IGSF21: variants seen among roughly 807,000 people sequenced by gnomAD.
The protein encoded by IGSF21 is immunoglobulin superfamily member 21.
In IGSF21, 28 loss-of-function variants were observed where a neutral mutation model predicts 46.8. The ratio of observed to expected loss-of-function variants is 0.60; its 90% CI spans 0.44 to 0.82. The LOEUF (loss-of-function observed/expected upper bound fraction) is 0.82. Among genes scored for constraint, IGSF21 ranks in the 40% least tolerant of loss-of-function variants. The probability of loss-of-function intolerance (pLI) is 0.00; values close to 1 mark genes in which losing one functional copy is unlikely to be tolerated. For missense variants in IGSF21, 624 were observed against 665.5 expected, an observed-to-expected ratio of 0.94 and a Z score of 0.69; for synonymous variants, 284 against 273.6, an observed-to-expected ratio of 1.04 and a Z score of -0.38.
At chr1:18,213,832 T>A (rs1231073557) in intron 1 of IGSF21, among the ~76,000 whole-genome samples, 1 of 152,158 alleles carries the variant, frequency 6.6e-6, no homozygotes. Flanking sequence ...ATCCCTCTCA[T>A]CAGCCCAGGA....
intron 1 of IGSF21, among the ~76,000 whole-genome samples, chr1:18,140,186 G>A (rs1184124168): frequency 2.0e-5 from 3 of 152,142 alleles, no homozygotes; most frequent in East Asian, 1.9e-4. Flanking sequence ...AGACTCAAGC[G>A]ATTCTCTCCA....
At chr1:18,349,822 G>C (rs1339946016) in intron 4 of IGSF21, among the ~76,000 whole-genome samples, 1 of 152,054 alleles carries the variant, frequency 6.6e-6, no homozygotes. Context: ...ACTTTGGAAG[G>C]CCGATATGGG....
intron 3 of IGSF21, among the ~76,000 whole-genome samples, chr1:18,332,183 G>C (rs1557647427): frequency 6.6e-6 from 1 of 152,156 alleles, no homozygotes; most frequent in African/African-American, 2.4e-5. Flanking sequence ...CACCTGTGTC[G>C]CTATCCTATA....
chr1:18,273,338 T>C (rs2085062559), intron 2 of IGSF21, among the ~76,000 whole-genome samples: 1 of 46,638 alleles, frequency 2.1e-5, no homozygotes, highest in African/African-American at 9.6e-5. Flanking sequence ...ACCATTCCTT[T>C]CCTTTCCTTT....
intron 2 of IGSF21, among the ~76,000 whole-genome samples, chr1:18,262,306 A>G (rs2084953993): frequency 6.6e-6 from 1 of 152,184 alleles, no homozygotes; most frequent in South Asian, 2.1e-4. Flanking sequence ...CCGGATAAAG[A>G]ACCTGAGGCA....
chr1:18,165,376 G>A (rs1364743842), intron 1 of IGSF21, among the ~76,000 whole-genome samples: 1 of 152,112 alleles, frequency 6.6e-6, no homozygotes, highest in Non-Finnish European at 1.5e-5. Flanking sequence ...TCTGTGCATG[G>A]CAATTTCTGG....
chr1:18,352,391 G>A lies in IGSF21; in HGVS notation c.425-9724G>A, dbSNP rs561563532. Among the ~76,000 whole-genome samples the A allele has an allele frequency of 7.2e-5, 11 of 152,292 alleles. No homozygotes were observed. In the South Asian group the frequency reaches 2.3e-3, roughly 32 times the overall value. ...ATCTCAGGACTTGTTAAAACTCAGGGTGGGGACTGCCGGACCCCACCCCAT... is the reference window on the plus strand; with the variant it reads ...ATCTCAGGACTTGTTAAAACTCAGGATGGGGACTGCCGGACCCCACCCCAT... On this transcript the variant is annotated intron_variant, in intron 4 of 9. Transcript: ENST00000251296.
chr1:18,151,151 GTC>G (rs2086518631), intron 1 of IGSF21, among the ~76,000 whole-genome samples: 1 of 152,148 alleles, frequency 6.6e-6, no homozygotes, highest in Admixed American at 6.5e-5. Context: ...CTTCATTTAG[GTC>G]TCTGTTCAAA....
chr1:18,287,393 T>TCAAA (rs573424473), intron 2 of IGSF21, among the ~76,000 whole-genome samples: 13 of 151,584 alleles, frequency 8.6e-5, no homozygotes, highest in South Asian at 2.1e-4. Flanking sequence ...AGACTCTGTC[T>TCAAA]CAAACAAACA....
intron 2 of IGSF21, among the ~76,000 whole-genome samples, chr1:18,246,993 A>C (rs1269982604): frequency 6.6e-6 from 1 of 152,144 alleles, no homozygotes; most frequent in African/African-American, 2.4e-5. Context: ...TATAGACAAG[A>C]AAACTGAGGC....
rs879463893 is a variant in IGSF21 at position 18,334,428 on chromosome 1, A to G, written c.306-464A>G. Among the ~76,000 whole-genome samples, 2 of 152,166 alleles carry G rather than the reference A, an allele frequency of 1.3e-5. No individual in the cohort carries two copies. The highest frequency in any genetic ancestry group is 2.4e-5 in the African/African-American group (1 of 41,440). On this transcript the variant is annotated intron_variant, in intron 3 of 9. Transcript: ENST00000251296. This position sits in a 1 kb window ranked among gnomAD's most constrained non-coding sequence, Gnocchi z 4.3. ...TTATTAGCAATTGAGTTCCGTCCTG[A>G]GCCTCAGTTTCCTTGTTTATGAAAT...
Position 18,158,594 on chromosome 1 carries a change from C to T in IGSF21, c.70+50396C>T, listed in dbSNP as rs577050263. Among the ~76,000 whole-genome samples, 40 of 152,238 alleles carry T rather than the reference C, an allele frequency of 2.6e-4. No individual in the cohort carries two copies. In the South Asian group the frequency reaches 8.1e-3, roughly 31 times the overall value. The stretch of plus-strand genomic sequence containing the variant: ...ATCCTTGCTGCCCTTGCCCAGGGGT[C>T]ATTCCTGGCATCCCTCTGCCCTTGA... On this transcript the variant is annotated intron_variant, in intron 1 of 9. Transcript: ENST00000251296.
At chr1:18,359,418 G>T (rs1004760832) in intron 4 of IGSF21, among the ~76,000 whole-genome samples, 2 of 140,128 alleles carry the variant, frequency 1.4e-5, no homozygotes, top group East Asian at 4.2e-4. Flanking sequence ...AAGGAAGGAA[G>T]GAAGGAAGGA....
At chr1:18,225,471 G>A (rs12564665) in intron 1 of IGSF21, among the ~76,000 whole-genome samples, 15,403 of 151,970 alleles carry the variant, frequency 0.1, 912 homozygotes, top group East Asian at 0.14. Context: ...CCTCCATCCT[G>A]CCCTGCCTGC....
At chr1:18,233,965 C>T (rs16861724) in intron 2 of IGSF21, among the ~76,000 whole-genome samples, 32,406 of 152,120 alleles carry the variant, frequency 0.21, 3,915 homozygotes, top group East Asian at 0.27. Context: ...TGAAGCAAAA[C>T]TGAAAATGAT....
chr1:18,216,813 C>G (rs938806930), intron 1 of IGSF21, among the ~76,000 whole-genome samples: 4 of 152,102 alleles, frequency 2.6e-5, no homozygotes, highest in Non-Finnish European at 4.4e-5. Context: ...TCACAGAACT[C>G]TCTGTACCTG....
chr1:18,114,804 G>A (rs1234754700), intron 1 of IGSF21: 2 of 152,230 alleles, frequency 1.3e-5, no homozygotes, highest in African/African-American at 4.8e-5. Context: ...CAGATTCTGT[G>A]GTTGCGAGCT....
chr1:18,266,533 A>C (rs2084991354), intron 2 of IGSF21, among the ~76,000 whole-genome samples: 1 of 152,220 alleles, frequency 6.6e-6, no homozygotes, highest in Admixed American at 6.5e-5. Flanking sequence ...AACAGGAGTG[A>C]CCAACTCTGT....
intron 4 of IGSF21, among the ~76,000 whole-genome samples, chr1:18,343,538 A>C (rs1172047964): frequency 3.3e-5 from 5 of 151,746 alleles, no homozygotes; most frequent in Non-Finnish European, 7.4e-5. Flanking sequence ...CTCACAACTT[A>C]CTCCTGTATT....
Sources: allele counts gnomAD v4.1 joint callset (sites outside exome capture counted in the v4.1 genomes callset), GRCh38; gene constraint gnomAD v4.1.1; non-coding constraint Gnocchi (gnomAD v3.1); transcripts MANE v1.5; gene names NCBI Gene and HGNC (gene_info 2026-07-23, HGNC 2026-07-21).